Variants in NCF4 observed in about 807,000 individuals in gnomAD.
NCF4 encodes neutrophil cytosol factor 4.
In NCF4, 30 loss-of-function variants were observed where a neutral mutation model predicts 41.7. The ratio of observed to expected loss-of-function variants is 0.72; its 90% CI spans 0.54 to 0.97. NCF4 has a LOEUF of 0.97. Ranked by LOEUF, NCF4 falls within the 50% of genes least tolerant of loss-of-function variation. The pLI is 0.00. For missense variants in NCF4, 432 were observed against 460.9 expected (o/e 0.94, Z 0.57); for synonymous variants, 195 against 175.8 (o/e 1.11, Z -0.87).
At position 36,862,926 on chromosome 22, in the gene NCF4, C is replaced by A. The variant is rs555836868; in HGVS notation, c.33-1119C>A. Among the ~76,000 whole-genome samples, 5 of 152,268 alleles carry A rather than the reference C, an allele frequency of 3.3e-5. No individual in the cohort carries two copies. The South Asian group carries it at 1.0e-3, about 32-fold the overall frequency. On this transcript the variant is annotated intron_variant, in intron 1 of 9. Coordinates refer to ENST00000248899, the MANE Select transcript of NCF4 (RefSeq NM_000631.5). ...GGGTTCTTCCAACCTCGGCCTCCCC[C>A]AGGGCAGGCTCCAAAACCTCCCCCA...
rs1940176752 is a variant in NCF4, at chr22:36,875,741, G to A, written c.716G>A (p.Trp239Ter). ...CCTGAGGAGGACGACCCCACCAACT[G>A]GCTGCGTTGCTACTACTACGAAGAC... ...DFPEEDDPTN[W>*]LRCYYYEDTI... The change falls in exon 8 of 10, where the codon TGG becomes TAG. Residue 239 changes from tryptophan to a stop codon, truncating the protein, a stop_gained. Coordinates refer to ENST00000248899, the MANE Select transcript of NCF4 (RefSeq NM_000631.5). LOFTEE classifies it high-confidence loss of function. 2 of 1,614,016 alleles carry A rather than the reference G, an allele frequency of 1.2e-6. 1 individual carries two copies. Among genetic ancestry groups the A allele is most frequent in the Middle Eastern group, 3.3e-4 (2 of 6,062 alleles).
rs374914189 is a variant in NCF4 at position 36,875,958 on chromosome 22, T to C, written c.759-71T>C. The C allele has an allele frequency of 8.1e-6, 13 of 1,613,988 alleles. No individual in the cohort carries two copies. Among genetic ancestry groups the C allele is most frequent in the Admixed American group, 5.0e-5 (3 of 60,000 alleles). The stretch of plus-strand genomic sequence containing the variant: ...GTCCAGGGTGGCCTGGCCAGCCTCA[T>C]TCCCCTTTCCCCCACCCCACACCCC... On this transcript the variant is annotated intron_variant, in intron 8 of 9. Coordinates refer to ENST00000248899, the MANE Select transcript of NCF4 (RefSeq NM_000631.5).
At chr22:36,873,892 A>T (rs1037962438) in intron 7 of NCF4, among the ~76,000 whole-genome samples, 1 of 152,232 alleles carries the variant, frequency 6.6e-6, no homozygotes, top group African/African-American at 2.4e-5. Context: ...ACAACAGTAC[A>T]TACCTTGCCC....
chr22:36,871,393 C>T (rs984169850), intron 5 of NCF4, among the ~76,000 whole-genome samples: 6 of 152,228 alleles, frequency 3.9e-5, no homozygotes, highest in Non-Finnish European at 7.3e-5. Flanking sequence ...ACCGAATGAG[C>T]GTGTATCCCC....
chr22:36,863,447 T>C (rs967608441), intron 1 of NCF4, among the ~76,000 whole-genome samples: 5 of 150,642 alleles, frequency 3.3e-5, no homozygotes, highest in African/African-American at 9.8e-5. Context: ...GCTTGACTCC[T>C]TCCTCAGCCC....
intron 7 of NCF4, among the ~76,000 whole-genome samples, chr22:36,872,872 A>G (rs1345113267): frequency 5.6e-5 from 4 of 71,068 alleles, no homozygotes; most frequent in African/African-American, 1.1e-4. Flanking sequence ...GACTGGCAGT[A>G]AGGTTGGAGG....
chr22:36,876,395 G>T (rs1436478927), intron 9 of NCF4, among the ~76,000 whole-genome samples: 1 of 152,040 alleles, frequency 6.6e-6, no homozygotes, highest in Admixed American at 6.6e-5. Flanking sequence ...CCACTCTCAG[G>T]GACTCACTAC....
At chr22:36,867,828 A>G (rs1413044752) in intron 4 of NCF4, among the ~76,000 whole-genome samples, 2 of 152,230 alleles carry the variant, frequency 1.3e-5, no homozygotes, top group Non-Finnish European at 2.9e-5. Flanking sequence ...CAGGTGGATC[A>G]TAAGATCACA....
rs552781064 is a variant in NCF4 at position 36,865,700 on chromosome 22, G to C, written c.271+628G>C. Among the ~76,000 whole-genome samples, 1 of 152,176 alleles carries C rather than the reference G, an allele frequency of 6.6e-6. No individual in the cohort carries two copies. The highest frequency in any genetic ancestry group is 1.5e-5 in the Non-Finnish European group (1 of 68,038). ...AAACCCCATCACGAATGGGTTACACGGGGGTGGTCTCAGCGGCGCCCTTCG... is the reference window on the plus strand; with the variant it reads ...AAACCCCATCACGAATGGGTTACACCGGGGTGGTCTCAGCGGCGCCCTTCG... On this transcript the variant is annotated intron_variant, in intron 3 of 9. Coordinates refer to ENST00000248899, the MANE Select transcript of NCF4 (RefSeq NM_000631.5). The surrounding 1 kb of genome is among the most constrained non-coding windows in gnomAD (Gnocchi z 4.3).
chr22:36,867,334 C>T (rs1939951301), intron 3 of NCF4, 58 bp from the exon 4 acceptor site: 1 of 1,594,022 alleles, frequency 6.3e-7, no homozygotes, highest in Non-Finnish European at 8.6e-7. Flanking sequence ...AGGGGCAGCC[C>T]TGAGCCCCGG....
chr22:36,875,993 C>G (rs778853862), intron 8 of NCF4, 36 bp from the exon 9 acceptor site: 6 of 1,613,968 alleles, frequency 3.7e-6, no homozygotes, highest in Non-Finnish European at 5.1e-6. Context: ...CACTTCCAGC[C>G]TGATGCCTCC....
intron 9 of NCF4, among the ~76,000 whole-genome samples, chr22:36,876,871 G>C (rs1940204145): frequency 6.6e-6 from 1 of 152,196 alleles, no homozygotes; most frequent in Non-Finnish European, 1.5e-5. Flanking sequence ...GGCCCACACT[G>C]TGAAATTACT....
Position 36,874,411 on chromosome 22 carries a change from G to A in NCF4, c.628-1242G>A, listed in dbSNP as rs35651750. Among the ~76,000 whole-genome samples, 1,207 of 152,300 alleles carry A rather than the reference G, an allele frequency of 7.9e-3. 16 individuals are homozygous for A. The highest frequency in any genetic ancestry group is 0.028 in the African/African-American group (1,145 of 41,548). On this transcript the variant is annotated intron_variant, in intron 7 of 9. Transcript: ENST00000248899. ...TTAAGAGTTGGGTTGGGTCCCTAGC[G>A]TCCAGGCCCTGGAGAGGAGCTAGTA...
At chr22:36,877,554 A>G (rs1940219332) in intron 9 of NCF4, 74 bp from the exon 10 acceptor site, 36 of 1,524,342 alleles carry the variant, frequency 2.4e-5, no homozygotes, top group Non-Finnish European at 3.3e-5. Context: ...AGGACATAAA[A>G]CCCTTTTCAC....
rs1601558102 is a variant in NCF4 at position 36,877,834 on chromosome 22, T to A, written c.*11T>A. Reference sequence around the variant, plus strand: ...AACACGATGCCATGAGCTGACGGTGTCCCTGGAGCAGTGAGGGGACACCAG... The same window carrying A: ...AACACGATGCCATGAGCTGACGGTGACCCTGGAGCAGTGAGGGGACACCAG... On this transcript the variant is annotated 3_prime_UTR_variant, in exon 10 of 10. Coordinates refer to ENST00000248899, the MANE Select transcript of NCF4 (RefSeq NM_000631.5). 1 of 1,610,860 alleles carries A rather than the reference T, an allele frequency of 6.2e-7. No individual in the cohort carries two copies. The highest frequency in any genetic ancestry group is 1.1e-5 in the South Asian group (1 of 90,652).
intron 4 of NCF4, among the ~76,000 whole-genome samples, chr22:36,869,239 A>G (rs1939997554): frequency 6.6e-6 from 1 of 152,170 alleles, no homozygotes; most frequent in Non-Finnish European, 1.5e-5. Flanking sequence ...AGTAACAATG[A>G]TGACATCTAA....
rs1201273136 is a variant in NCF4 at position 36,864,131 on chromosome 22, TA to T, written c.117+4del. 3 of 1,609,752 alleles carry T rather than the reference TA, an allele frequency of 1.9e-6. No homozygotes were observed. Among genetic ancestry groups the T allele is most frequent in the Non-Finnish European group, 1.7e-6 (2 of 1,176,124 alleles). On this transcript the variant is annotated splice_donor_region_variant and intron_variant, in intron 2 of 9. Transcript: ENST00000248899. ...AAGAGAGGCTTCACCAGCCACTTTG[TA>T]AGACAGACTCCTAGTCCTTCACCCA...
intron 7 of NCF4, among the ~76,000 whole-genome samples, chr22:36,874,851 C>A (rs546604560): frequency 6.6e-6 from 1 of 152,084 alleles, no homozygotes; most frequent in East Asian, 1.9e-4. Flanking sequence ...AGTGAGTGAG[C>A]GGGATCAGCA....
At position 36,865,625 on chromosome 22, in the gene NCF4, C is replaced by T. The variant is rs1447027756; in HGVS notation, c.271+553C>T. 1.3e-5 allele frequency among the ~76,000 whole-genome samples: 2 copies of T among 151,998 alleles called. No individual in the cohort carries two copies. Among genetic ancestry groups the T allele is most frequent in the African/African-American group, 4.8e-5 (2 of 41,350 alleles). On this transcript the variant is annotated intron_variant, in intron 3 of 9. Transcript: ENST00000248899. The surrounding 1 kb of genome is among the most constrained non-coding windows in gnomAD (Gnocchi z 4.3). ...CTCCCCAGCTGGATCCTAACGCGCACCTTGGACAGCGCCAAGCCCTTAGCT... is the reference window on the plus strand; with the variant it reads ...CTCCCCAGCTGGATCCTAACGCGCATCTTGGACAGCGCCAAGCCCTTAGCT...
Sources: allele counts gnomAD v4.1 joint callset (sites outside exome capture counted in the v4.1 genomes callset), GRCh38; gene constraint gnomAD v4.1.1; non-coding constraint Gnocchi (gnomAD v3.1); transcripts MANE v1.5; gene names NCBI Gene and HGNC (gene_info 2026-07-23, HGNC 2026-07-21).